Variants in IL15 observed in about 807,000 individuals in gnomAD.
The protein encoded by IL15 is interleukin-15.
Under a neutral mutation model 19.6 loss-of-function variants are expected in IL15, and 11 were observed. That is an observed-to-expected ratio of 0.56 (90% confidence interval 0.35 to 0.93). The LOEUF is 0.93. Among genes scored for constraint, IL15 ranks in the 40% least tolerant of loss-of-function variants. IL15 has a pLI of 0.01. For synonymous variants in IL15, 58 were observed against 59.6 expected (o/e 0.97, Z 0.12); for missense variants, 197 against 186.5 (o/e 1.06, Z -0.33).
chr4:141,655,683 T>C (rs1727566986), intron 1 of IL15, among the ~76,000 whole-genome samples: 1 of 152,202 alleles, frequency 6.6e-6, no homozygotes, highest in Admixed American at 6.5e-5. Flanking sequence ...CCGAATCACA[T>C]ATACCTTAAA....
chr4:141,653,990 C>T (rs1727500872), intron 1 of IL15, among the ~76,000 whole-genome samples: 1 of 152,158 alleles, frequency 6.6e-6, no homozygotes, highest in Non-Finnish European at 1.5e-5. Context: ...CGATGTAATC[C>T]AAGTGTTTCC....
intron 2 of IL15, among the ~76,000 whole-genome samples, chr4:141,664,342 A>AACACACACACACACACACAC (rs35153516): frequency 3.1e-5 from 4 of 130,950 alleles, no homozygotes; most frequent in Non-Finnish European, 6.4e-5. Context: ...TGGTGGGCAA[A>AACACACACACACACACACAC]ACACACACAC....
Position 141,727,278 on chromosome 4 carries a change from G to A in IL15, c.196-662G>A, listed in dbSNP as rs575234491. Among the ~76,000 whole-genome samples the A allele has an allele frequency of 3.9e-5, 6 of 152,168 alleles. No individual in the cohort carries two copies. The East Asian group carries it at 1.2e-3, about 29-fold the overall frequency. On this transcript the variant is annotated intron_variant, in intron 5 of 7. Transcript: ENST00000320650. ...TATTAACAATAGGGAAACTGGGGTGGAGAACAAAGGGGTGTATAAGTCTCT... is the reference window on the plus strand; with the variant it reads ...TATTAACAATAGGGAAACTGGGGTGAAGAACAAAGGGGTGTATAAGTCTCT...
chr4:141,657,614 T>C (rs1437936353), intron 2 of IL15, among the ~76,000 whole-genome samples: 1 of 152,174 alleles, frequency 6.6e-6, no homozygotes, highest in Non-Finnish European at 1.5e-5. Flanking sequence ...TAAATTTTTT[T>C]ATTAAAAACT....
chr4:141,659,738 T>C (rs1484133643), intron 2 of IL15, among the ~76,000 whole-genome samples: 2 of 152,232 alleles, frequency 1.3e-5, no homozygotes, highest in East Asian at 1.9e-4. Context: ...TTTGCTTAAA[T>C]GAAATCATGC....
chr4:141,707,421 A>G (rs1729556740), intron 2 of IL15, among the ~76,000 whole-genome samples: 1 of 151,866 alleles, frequency 6.6e-6, no homozygotes, highest in Non-Finnish European at 1.5e-5. Flanking sequence ...TTCTACTAGG[A>G]TTTATTGTGT....
intron 2 of IL15, among the ~76,000 whole-genome samples, chr4:141,698,621 C>T (rs1335583280): frequency 1.3e-5 from 2 of 151,982 alleles, no homozygotes; most frequent in African/African-American, 2.4e-5. Context: ...TGTTTGTATG[C>T]ATAAAGTTGT....
intron 6 of IL15, among the ~76,000 whole-genome samples, chr4:141,728,351 A>G (rs765237756): frequency 2.0e-5 from 3 of 152,156 alleles, no homozygotes; most frequent in Non-Finnish European, 2.9e-5. Flanking sequence ...GCTGTAATGT[A>G]TCACCATCTG....
chr4:141,670,569 G>A (rs1292991899), intron 2 of IL15, among the ~76,000 whole-genome samples: 7 of 152,080 alleles, frequency 4.6e-5, no homozygotes, highest in Non-Finnish European at 5.9e-5. Flanking sequence ...CTAATGGAAT[G>A]TTATTGATTT....
chr4:141,655,641 T>C (rs1314135782), intron 1 of IL15, among the ~76,000 whole-genome samples: 3 of 152,230 alleles, frequency 2.0e-5, no homozygotes, highest in Admixed American at 2.0e-4. Flanking sequence ...TTAGGTTTTC[T>C]AATTAAATAA....
chr4:141,644,501 A>G (rs1415358511), intron 1 of IL15, among the ~76,000 whole-genome samples: 1 of 152,110 alleles, frequency 6.6e-6, no homozygotes, highest in Non-Finnish European at 1.5e-5. Context: ...ATCTCTCCGT[A>G]TGTGACCCCT....
Position 141,727,163 on chromosome 4 carries a change from C to G in IL15, c.196-777C>G, listed in dbSNP as rs543408412. ...CATTTGTCAAAACCTGTAAAACATA[C>G]AACACAAATAATGAGCCCTAATATT... On this transcript the variant is annotated intron_variant, in intron 5 of 7. Coordinates refer to ENST00000320650, the MANE Select transcript of IL15 (RefSeq NM_000585.5). 5.3e-5 allele frequency among the ~76,000 whole-genome samples: 8 copies of G among 152,128 alleles called. No homozygotes were observed. In the South Asian group the frequency reaches 1.7e-3, roughly 32 times the overall value.
At chr4:141,661,657 G>A (rs924763546) in intron 2 of IL15, among the ~76,000 whole-genome samples, 1 of 152,144 alleles carries the variant, frequency 6.6e-6, no homozygotes, top group African/African-American at 2.4e-5. Context: ...GGATACAAAA[G>A]TTGGCAACAC....
chr4:141,724,937 T>G (rs1426999080), intron 5 of IL15, among the ~76,000 whole-genome samples: 1 of 152,116 alleles, frequency 6.6e-6, no homozygotes, highest in East Asian at 1.9e-4. Context: ...CATTTTCCAG[T>G]TGATTTTAGG....
intron 7 of IL15, among the ~76,000 whole-genome samples, chr4:141,730,326 T>C (rs989567611): frequency 6.6e-6 from 1 of 152,176 alleles, no homozygotes; most frequent in African/African-American, 2.4e-5. Flanking sequence ...ATGTCTAACA[T>C]CAATAATAGT....
chr4:141,720,430 TA>T (rs1289768302), intron 3 of IL15, 38 bp from the exon 4 acceptor site: 4 of 1,061,534 alleles, frequency 3.8e-6, no homozygotes, highest in Non-Finnish European at 5.8e-6. Flanking sequence ...ACTTTTTAAC[TA>T]AAAAATTTAA....
intron 2 of IL15, among the ~76,000 whole-genome samples, chr4:141,688,291 AC>A (rs1192484806): frequency 1.3e-5 from 2 of 152,266 alleles, no homozygotes; most frequent in African/African-American, 4.8e-5. Context: ...GTGTACATAA[AC>A]CAGTCTCAGA....
At position 141,721,804 on chromosome 4, in the gene IL15, A is replaced by G. The variant is rs188899206; in HGVS notation, c.111-120A>G. 41 of 845,188 alleles carry G rather than the reference A, an allele frequency of 4.9e-5. No homozygotes were observed. The Admixed American group carries it at 8.3e-4, about 17-fold the overall frequency. The allele number at this position is 845,188 out of a possible 1,614,324, so 52.4% of individuals were successfully genotyped here. A position where few individuals can be genotyped will look rare whatever the true frequency, so the allele number is the denominator to read the frequency against. ...CAAGGCTGTTGAATGCACAGAAGCA[A>G]GGATAACACTGATTTTTTCACTGGT... is the stretch of plus-strand genomic sequence containing the variant. On this transcript the variant is annotated intron_variant, in intron 4 of 7. Transcript: ENST00000320650.
chr4:141,688,431 G>A (rs1270588132), intron 2 of IL15, among the ~76,000 whole-genome samples: 1 of 152,076 alleles, frequency 6.6e-6, no homozygotes, highest in Non-Finnish European at 1.5e-5. Flanking sequence ...TTCCAGAAAT[G>A]TTCAAGTTGA....
Sources: allele counts gnomAD v4.1 joint callset (sites outside exome capture counted in the v4.1 genomes callset), GRCh38; gene constraint gnomAD v4.1.1; transcripts MANE v1.5; gene names NCBI Gene and HGNC (gene_info 2026-07-23, HGNC 2026-07-21).